The following CSMD1 variants were observed in gnomAD, a reference collection of about 807,000 sequenced individuals.
CSMD1 encodes CUB and sushi domain-containing protein 1.
Under a neutral mutation model 417.5 loss-of-function variants are expected in CSMD1, and 213 were observed. The ratio of observed to expected loss-of-function variants is 0.51; its 90% CI spans 0.46 to 0.57. The LOEUF (loss-of-function observed/expected upper bound fraction) is 0.57, where lower values mean the gene tolerates loss of function less well. CSMD1 is among the 20% of genes least tolerant of loss of function. The probability of loss-of-function intolerance (pLI) is 0.00; values close to 1 mark genes in which losing one functional copy is unlikely to be tolerated. For synonymous variants in CSMD1, 2,862 were observed against 1,736.8 expected (o/e 1.65, Z -16.11); for missense variants, 6,923 against 4,529.7 (o/e 1.53, Z -15.17).
intron 2 of CSMD1, among the ~76,000 whole-genome samples, chr8:4,473,698 T>C (rs1432547393): frequency 6.6e-6 from 1 of 152,170 alleles, no homozygotes; most frequent in Non-Finnish European, 1.5e-5. Context: ...AATTAAATGA[T>C]GTAAGGTATG....
chr8:3,990,481 T>A (rs1474046168), intron 5 of CSMD1, among the ~76,000 whole-genome samples: 1 of 152,186 alleles, frequency 6.6e-6, no homozygotes, highest in Non-Finnish European at 1.5e-5. Context: ...TCTTCTCTGT[T>A]ACTCCTCAGT....
chr8:4,741,663 T>C (rs1810612619), intron 1 of CSMD1, among the ~76,000 whole-genome samples: 2 of 152,142 alleles, frequency 1.3e-5, no homozygotes, highest in African/African-American at 4.8e-5. Flanking sequence ...GAATTTAAGA[T>C]CCGTTCAGTA....
chr8:3,846,105 T>C (rs1803483328), intron 5 of CSMD1, among the ~76,000 whole-genome samples: 1 of 152,096 alleles, frequency 6.6e-6, no homozygotes, highest in Admixed American at 6.5e-5. Flanking sequence ...TAATAAAAAG[T>C]ATAGTAATTA....
intron 1 of CSMD1, among the ~76,000 whole-genome samples, chr8:4,983,047 T>C (rs985502803): frequency 4.6e-5 from 7 of 152,204 alleles, no homozygotes; most frequent in Admixed American, 4.6e-4. Context: ...TATTAAATTA[T>C]TGTCACCAGA....
chr8:4,797,207 G>A (rs1269059689), intron 1 of CSMD1, among the ~76,000 whole-genome samples: 3 of 152,184 alleles, frequency 2.0e-5, no homozygotes, highest in Admixed American at 2.0e-4. Context: ...CACACAGTAA[G>A]GACAGGTTTC....
At chr8:3,327,547 A>C (rs1248109251) in intron 23 of CSMD1, among the ~76,000 whole-genome samples, 1 of 152,132 alleles carries the variant, frequency 6.6e-6, no homozygotes, top group Non-Finnish European at 1.5e-5. Flanking sequence ...TTAGAAATCA[A>C]CTTTTCTTTC....
intron 3 of CSMD1, among the ~76,000 whole-genome samples, chr8:4,147,461 C>T (rs1348727685): frequency 1.3e-5 from 2 of 152,154 alleles, no homozygotes; most frequent in Non-Finnish European, 2.9e-5. Flanking sequence ...CGCCTCATTT[C>T]AATACCCTAC....
At chr8:4,198,478 A>T (rs963318307) in intron 3 of CSMD1, among the ~76,000 whole-genome samples, 11 of 152,154 alleles carry the variant, frequency 7.2e-5, no homozygotes, top group Non-Finnish European at 4.4e-5. Flanking sequence ...ATGAGAAAGA[A>T]ATCACTAGAG....
At chr8:3,141,708 G>A (rs539385097) in intron 41 of CSMD1, among the ~76,000 whole-genome samples, 3 of 152,046 alleles carry the variant, frequency 2.0e-5, no homozygotes, top group Non-Finnish European at 4.4e-5. Context: ...ACAGCAGACA[G>A]CAAGAAAAAC....
At chr8:3,912,707 G>C (rs935748430) in intron 5 of CSMD1, among the ~76,000 whole-genome samples, 1 of 152,180 alleles carries the variant, frequency 6.6e-6, no homozygotes, top group Non-Finnish European at 1.5e-5. Flanking sequence ...TACGACAACT[G>C]ATGGGATGAA....
chr8:4,893,466 G>A (rs1804265930), intron 1 of CSMD1, among the ~76,000 whole-genome samples: 1 of 151,894 alleles, frequency 6.6e-6, no homozygotes, highest in South Asian at 2.1e-4. Context: ...TTTATTTGTT[G>A]TCTTTAAGAG....
intron 3 of CSMD1, among the ~76,000 whole-genome samples, chr8:4,193,698 G>T (rs1037069509): frequency 1.3e-5 from 2 of 152,048 alleles, no homozygotes; most frequent in African/African-American, 4.8e-5. Flanking sequence ...GATAAAAATC[G>T]GCATTTCAAG....
At chr8:4,080,219 C>T (rs577687643) in intron 3 of CSMD1, among the ~76,000 whole-genome samples, 1 of 151,944 alleles carries the variant, frequency 6.6e-6, no homozygotes, top group Admixed American at 6.6e-5. Context: ...TAATAGTTGT[C>T]TCCTCCTTAA....
At chr8:4,175,082 G>C (rs1797969547) in intron 3 of CSMD1, among the ~76,000 whole-genome samples, 1 of 151,476 alleles carries the variant, frequency 6.6e-6, no homozygotes, top group Admixed American at 6.6e-5. Flanking sequence ...CTTTTACTTT[G>C]CACTTTCATA....
intron 25 of CSMD1, 46 bp downstream of exon 25, chr8:3,307,649 G>C (rs766113182): frequency 6.5e-5 from 102 of 1,576,900 alleles, no homozygotes; most frequent in Non-Finnish European, 2.7e-5. Context: ...AGAATAGAAG[G>C]CATATCTCTT....
At chr8:4,622,016 G>A (rs1349492799) in intron 2 of CSMD1, among the ~76,000 whole-genome samples, 2 of 151,850 alleles carry the variant, frequency 1.3e-5, no homozygotes, top group Admixed American at 6.6e-5. Context: ...CTAATGATAG[G>A]AAACTTTCTC....
chr8:4,453,356 C>A (rs1038076621), intron 2 of CSMD1, among the ~76,000 whole-genome samples: 1 of 152,148 alleles, frequency 6.6e-6, no homozygotes. Context: ...CCCCAGTCTG[C>A]TGGGATTGGG....
intron 3 of CSMD1, among the ~76,000 whole-genome samples, chr8:4,166,409 A>G (rs759041860): frequency 2.0e-5 from 3 of 152,250 alleles, no homozygotes; most frequent in Admixed American, 2.0e-4. Context: ...AAATGTATAT[A>G]TACCACACAA....
chr8:3,409,400 C>A, intron 13 of CSMD1, 23 bp downstream of exon 13: 1 of 1,587,766 alleles, frequency 6.3e-7, no homozygotes, highest in South Asian at 1.2e-5. Flanking sequence ...AGGAGGGAGT[C>A]CAGGTCAAGG....
Sources: gnomAD v4.1 joint callset for allele counts (sites outside exome capture counted in the v4.1 genomes callset) on GRCh38, gnomAD v4.1.1 for gene constraint, MANE v1.5 for transcripts, NCBI Gene and HGNC (gene_info 2026-07-23, HGNC 2026-07-21) for gene names.